USH2A: variants seen among roughly 807,000 people sequenced by gnomAD.
The protein encoded by USH2A is Usher syndrome 2A (autosomal recessive, mild).
Under a neutral mutation model 538.9 loss-of-function variants are expected in USH2A, and 443 were observed. The observed-to-expected ratio is 0.82, with a 90% CI of 0.76 to 0.89. The LOEUF is 0.89. Ranked by LOEUF, USH2A falls within the 40% of genes least tolerant of loss-of-function variation. The pLI is 0.00. For missense variants in USH2A, 6,633 were observed against 6,324.8 expected (o/e 1.05, Z -1.65); for synonymous variants, 2,413 against 2,273.5 (o/e 1.06, Z -1.75).
chr1:215,836,756 C>T (rs1001583091), intron 47 of USH2A, among the ~76,000 whole-genome samples: 1 of 148,098 alleles, frequency 6.8e-6, no homozygotes, highest in Non-Finnish European at 1.5e-5. Context: ...CAGGGTTTCA[C>T]CATGTTAGCC....
chr1:216,212,481 C>T lies in USH2A; in HGVS notation c.3157+4906G>A, dbSNP rs905101084. On this transcript the variant is annotated intron_variant, in intron 15 of 71. Transcript: ENST00000307340. ...ATGGTCTTTGCATATGCCAGACTCTCTTTTATGGGATGAGAGTATAATATT... is the reference window on the plus strand; with the variant it reads ...ATGGTCTTTGCATATGCCAGACTCTTTTTTATGGGATGAGAGTATAATATT... Among the ~76,000 whole-genome samples the T allele has an allele frequency of 2.0e-5, 3 of 152,132 alleles. No homozygotes were observed. In the East Asian group the frequency reaches 5.8e-4, roughly 29 times the overall value.
At chr1:216,213,460 G>C (rs1156374994) in intron 15 of USH2A, among the ~76,000 whole-genome samples, 1 of 151,794 alleles carries the variant, frequency 6.6e-6, no homozygotes, top group Non-Finnish European at 1.5e-5. Context: ...TAGATGCTTG[G>C]GTAATTCAAT....
Position 215,625,809 on chromosome 1 carries a change from C to G in USH2A, c.15581G>C (p.Arg5194Pro), listed in dbSNP as rs727505155. The part of the protein sequence containing the change: ...IKDFSSVTKE[R>P]TTFTDTHL Reference sequence around the variant, plus strand: ...CAGGTGGGTGTCTGTGAATGTGGTGCGTTCCTTAGTCACTGAGCTGAAATC... The same window carrying G: ...CAGGTGGGTGTCTGTGAATGTGGTGGGTTCCTTAGTCACTGAGCTGAAATC... Residue 5194 changes from arginine to proline, a missense_variant, in exon 72 of 72, where the codon CGC (arginine) becomes CCC (proline). Coordinates refer to ENST00000307340, the MANE Select transcript of USH2A (RefSeq NM_206933.4). The G allele has an allele frequency of 1.9e-6, 3 of 1,613,912 alleles. No homozygotes were observed. The highest frequency in any genetic ancestry group is 2.5e-6 in the Non-Finnish European group (3 of 1,179,988).
At chr1:216,376,819 A>G (rs2038831284) in intron 3 of USH2A, among the ~76,000 whole-genome samples, 1 of 152,212 alleles carries the variant, frequency 6.6e-6, no homozygotes, top group South Asian at 2.1e-4. Context: ...TGGATGTCAT[A>G]AAGATCCTAA....
intron 7 of USH2A, 68 bp downstream of exon 7, chr1:216,324,100 G>A (rs561230726): frequency 6.5e-7 from 1 of 1,534,876 alleles, no homozygotes; most frequent in East Asian, 2.4e-5. Flanking sequence ...AGCCTAGAGA[G>A]CTAGCATACT....
chr1:216,153,767 T>C (rs1256751619), intron 21 of USH2A, among the ~76,000 whole-genome samples: 1 of 152,184 alleles, frequency 6.6e-6, no homozygotes, highest in Non-Finnish European at 1.5e-5. Flanking sequence ...TTAATGAGGC[T>C]TTAACAGCTC....
intron 20 of USH2A, among the ~76,000 whole-genome samples, chr1:216,187,544 T>C (rs527446391): frequency 6.6e-6 from 1 of 152,090 alleles, no homozygotes; most frequent in Admixed American, 6.6e-5. Context: ...TAAGCCTTTC[T>C]AAGTTTTATT....
At chr1:216,149,634 G>C (rs2033792910) in intron 21 of USH2A, among the ~76,000 whole-genome samples, 1 of 152,010 alleles carries the variant, frequency 6.6e-6, no homozygotes, top group Admixed American at 6.6e-5. Context: ...CCTCATCCCA[G>C]ACACCAGCCC....
At chr1:216,354,033 G>T (rs905405854) in intron 4 of USH2A, among the ~76,000 whole-genome samples, 3 of 152,010 alleles carry the variant, frequency 2.0e-5, no homozygotes, top group African/African-American at 7.2e-5. Context: ...CCATACAGAG[G>T]CCAGAATGAC....
intron 3 of USH2A, among the ~76,000 whole-genome samples, chr1:216,401,295 C>T (rs544137665): frequency 7.9e-5 from 12 of 152,046 alleles, no homozygotes; most frequent in South Asian, 6.2e-4. Flanking sequence ...AAAAGATATA[C>T]CCAAAATGCT....
At chr1:216,391,013 A>G (rs1173033654) in intron 3 of USH2A, among the ~76,000 whole-genome samples, 1 of 152,222 alleles carries the variant, frequency 6.6e-6, no homozygotes, top group Non-Finnish European at 1.5e-5. Flanking sequence ...TACACATGCA[A>G]TATTAGGGAA....
At chr1:215,830,125 C>T (rs931955610) in intron 47 of USH2A, among the ~76,000 whole-genome samples, 5 of 152,166 alleles carry the variant, frequency 3.3e-5, no homozygotes, top group African/African-American at 1.2e-4. Flanking sequence ...CCCTCCTTTA[C>T]TTCCCATCTT....
chr1:216,015,037 C>T (rs904722046), intron 32 of USH2A, among the ~76,000 whole-genome samples: 14 of 152,216 alleles, frequency 9.2e-5, no homozygotes, highest in East Asian at 3.9e-4. Context: ...GGTCTTCTTC[C>T]GAAAACTTCT....
rs1373321126 is a variant in USH2A, at chr1:216,199,478, C to T, written c.3811+149G>A. On this transcript the variant is annotated intron_variant, in intron 17 of 71. Transcript: ENST00000307340. ...CTTGTTCCACTAACCAGGACAAATA[C>T]TATCTTATATCTTTAGAAACTGTTT... The T allele has an allele frequency of 5.0e-6, 6 of 1,206,884 alleles. No individual in the cohort carries two copies. In the African/African-American group the frequency reaches 9.1e-5, roughly 18 times the overall value. 74.8% of individuals were successfully genotyped at this position (1,206,884 alleles called of 1,614,324 possible). A position where few individuals can be genotyped will look rare whatever the true frequency, so the allele number is the denominator to read the frequency against.
chr1:215,985,547 A>T (rs1054287853), intron 35 of USH2A, among the ~76,000 whole-genome samples: 1 of 152,170 alleles, frequency 6.6e-6, no homozygotes, highest in Non-Finnish European at 1.5e-5. Flanking sequence ...AGATAACAAT[A>T]CCTATTTCAT....
chr1:215,915,020 G>T (rs975797777), intron 38 of USH2A, among the ~76,000 whole-genome samples: 3 of 152,124 alleles, frequency 2.0e-5, no homozygotes, highest in African/African-American at 7.2e-5. Context: ...ATGCTGGGCA[G>T]TTATTGTACA....
intron 3 of USH2A, among the ~76,000 whole-genome samples, chr1:216,368,119 T>C (rs1024183324): frequency 2.0e-5 from 3 of 152,062 alleles, no homozygotes; most frequent in Non-Finnish European, 2.9e-5. Flanking sequence ...TTCTCTTCAG[T>C]TTCATATTTT....
intron 64 of USH2A, among the ~76,000 whole-genome samples, chr1:215,664,218 G>A (rs936210260): frequency 2.0e-5 from 3 of 152,140 alleles, no homozygotes; most frequent in African/African-American, 7.2e-5. Flanking sequence ...GAACATAAAT[G>A]AGACTTATTT....
intron 11 of USH2A, among the ~76,000 whole-genome samples, chr1:216,266,448 T>C (rs1404155945): frequency 2.0e-5 from 3 of 152,162 alleles, no homozygotes; most frequent in Non-Finnish European, 2.9e-5. Flanking sequence ...TAATCCAGAA[T>C]TCTATGCTAA....
Sources: allele counts gnomAD v4.1 joint callset (sites outside exome capture counted in the v4.1 genomes callset), GRCh38; gene constraint gnomAD v4.1.1; transcripts MANE v1.5; gene names NCBI Gene and HGNC (gene_info 2026-07-23, HGNC 2026-07-21).